Variants in ERCC2 observed in about 807,000 individuals in gnomAD.
ERCC2 encodes ERCC excision repair 2, TFIIH core complex helicase subunit.
In ERCC2, 90 loss-of-function variants were observed where a neutral mutation model predicts 99.4. That is an observed-to-expected ratio of 0.91 (90% CI 0.76 to 1.08). The LOEUF (loss-of-function observed/expected upper bound fraction) is 1.08. Ranked by LOEUF, ERCC2 falls within the 50% of genes least tolerant of loss-of-function variation. ERCC2 has a pLI of 0.00. For missense variants in ERCC2, 993 were observed against 1,038.1 expected (o/e 0.96, Z 0.60); for synonymous variants, 497 against 432.4 (o/e 1.15, Z -1.85).
rs370377312 is a variant in ERCC2 at position 45,352,613 on chromosome 19, G to A, written c.1939C>T (p.Arg647Cys). The A allele has an allele frequency of 4.0e-5, 64 of 1,613,846 alleles. No individual in the cohort carries two copies. Among genetic ancestry groups the A allele is most frequent in the South Asian group, 8.8e-5 (8 of 91,086 alleles). Residue 647 changes from arginine to cysteine, a missense_variant, in exon 21 of 23, where the codon CGT becomes TGT. Arg to Cys is a radical substitution (Grantham distance 180). Coordinates refer to ENST00000391945, the MANE Select transcript of ERCC2 (RefSeq NM_000400.4). ...TCGAAGGTAAGAAAGTCATTCTCAC[G>A]AATCTGGAACTGGTCCCGCAGGTAT... Reference protein sequence around the residue: ...LEYLRDQFQIRENDFLTFDAM... With the variant: ...LEYLRDQFQICENDFLTFDAM...
Position 45,368,534 on chromosome 19 carries a change from G to C in ERCC2, c.360+96C>G, listed in dbSNP as rs188016039. On this transcript the variant is annotated intron_variant, in intron 5 of 22. Coordinates refer to ENST00000391945, the MANE Select transcript of ERCC2 (RefSeq NM_000400.4). ...CTGTGTGTAGCCACTGCATGCCTTT[G>C]CAAGAGATATGGCCTGGGGATCCAG... 650 of 828,636 alleles carry C rather than the reference G, an allele frequency of 7.8e-4. 5 individuals are homozygous for C. The highest frequency in any genetic ancestry group is 8.6e-4 in the Non-Finnish European group (412 of 479,774). The allele number at this position is 828,636 out of a possible 1,614,324, so 51.3% of individuals were successfully genotyped here.
chr19:45,366,370 G>A (rs1265666067), intron 5 of ERCC2, among the ~76,000 whole-genome samples: 1 of 152,062 alleles, frequency 6.6e-6, no homozygotes, highest in Non-Finnish European at 1.5e-5. Flanking sequence ...TCGAACTCCT[G>A]ATCTCAGGTG....
At chr19:45,370,285 C>A (rs1972563435) in intron 1 of ERCC2, 53 bp from the exon 2 acceptor site, 20 of 1,598,172 alleles carry the variant, frequency 1.3e-5, no homozygotes, top group Middle Eastern at 3.4e-4. Flanking sequence ...CCTCTCCCGC[C>A]TCCACAGTGC....
chr19:45,368,827 A>G, intron 4 of ERCC2, 84 bp from the exon 5 acceptor site: 2 of 1,563,518 alleles, frequency 1.3e-6, no homozygotes, highest in Non-Finnish European at 1.8e-6. Context: ...TCTCTTCCCC[A>G]GCTTCCCAAA....
intron 12 of ERCC2, among the ~76,000 whole-genome samples, chr19:45,359,790 T>G (rs938366324): frequency 1.3e-5 from 2 of 152,030 alleles, no homozygotes; most frequent in East Asian, 1.9e-4. Context: ...CTTTTTTTTT[T>G]TTTGAGACAG....
At chr19:45,361,064 G>A (rs1972202656) in intron 12 of ERCC2, among the ~76,000 whole-genome samples, 2 of 151,532 alleles carry the variant, frequency 1.3e-5, no homozygotes. Flanking sequence ...CCAGGAGGCA[G>A]AGGCTGCAGT....
intron 5 of ERCC2, among the ~76,000 whole-genome samples, chr19:45,367,386 C>T (rs1972463312): frequency 6.6e-6 from 1 of 151,046 alleles, no homozygotes; most frequent in Non-Finnish European, 1.5e-5. Flanking sequence ...CACACACACA[C>T]ACACACACAC....
rs1281649633 is a variant in ERCC2, at chr19:45,364,266, T to C, written c.784A>G (p.Asn262Asp). ...TRRTLDRCQGNLETLQKTVLR... is the reference protein window; with the variant it reads ...TRRTLDRCQGDLETLQKTVLR... The stretch of plus-strand genomic sequence containing the variant: ...ACCGTCTTCTGCAGGGTCTCCAGGT[T>C]GCCCTGGCACCGGTCAAGGGTCCGG... The change falls in exon 9 of 23, where the codon AAC becomes GAC. Residue 262 changes from asparagine to aspartate, a missense_variant. Coordinates refer to ENST00000391945, the MANE Select transcript of ERCC2 (RefSeq NM_000400.4). The C allele has an allele frequency of 6.2e-7, 1 of 1,613,930 alleles. No homozygotes were observed. Among genetic ancestry groups the C allele is most frequent in the Admixed American group, 1.7e-5 (1 of 60,022 alleles).
At position 45,351,350 on chromosome 19, in the gene ERCC2, C is replaced by G; in HGVS notation, c.*279G>C. ...AGCGCCAGCACCCAGGACCTGAGCC[C>G]CCACTAACGTCCAGTGAACTGCGCT... On this transcript the variant is annotated 3_prime_UTR_variant, in exon 23 of 23. Coordinates refer to ENST00000391945, the MANE Select transcript of ERCC2 (RefSeq NM_000400.4). 1.2e-6 allele frequency: 2 copies of G among 1,611,208 alleles called. No individual in the cohort carries two copies. The highest frequency in any genetic ancestry group is 1.7e-6 in the Non-Finnish European group (2 of 1,180,008).
In ERCC2 at chr19:45,364,066, T is replaced by C. The variant is rs1294229556; in HGVS notation, c.869A>G (p.Glu290Gly). Residue 290 changes from glutamate to glycine, a missense_variant, in exon 10 of 23, where the codon GAG (glutamate) becomes GGG (glycine). Physicochemically the swap from Glu to Gly is moderately conservative, Grantham distance 98. Around this residue, in one of 3 missense-constraint regions of ERCC2, gnomAD observed 909 missense variants for 930.8 expected, o/e 0.98. Transcript: ENST00000391945. Reference protein sequence around the residue: ...RLRDEYRRLVEGLREASAARE... With the variant: ...RLRDEYRRLVGGLREASAARE... ...GGCGGCGCTGGCCTCCCGCAGCCCC[T>C]CCACCAGACGCCGGTACTCGTCCCG... 1 of 1,585,542 alleles carries C rather than the reference T, an allele frequency of 6.3e-7. No individual in the cohort carries two copies. Among genetic ancestry groups the C allele is most frequent in the Middle Eastern group, 1.7e-4 (1 of 5,946 alleles).
chr19:45,353,870 T>C (rs1971918556), intron 17 of ERCC2, among the ~76,000 whole-genome samples: 1 of 152,144 alleles, frequency 6.6e-6, no homozygotes, highest in South Asian at 2.1e-4. Context: ...CTCATAGACC[T>C]GGATGTGAAA....
At chr19:45,360,629 C>T (rs1036305836) in intron 12 of ERCC2, among the ~76,000 whole-genome samples, 4 of 152,086 alleles carry the variant, frequency 2.6e-5, no homozygotes, top group South Asian at 2.1e-4. Flanking sequence ...CTGCCCACCT[C>T]GGCCCCCCAA....
In ERCC2 at chr19:45,355,708, G is replaced by C; in HGVS notation, c.1500C>G (p.Asp500Glu). 1 of 1,614,126 alleles carries C rather than the reference G, an allele frequency of 6.2e-7. No individual in the cohort carries two copies. The highest frequency in any genetic ancestry group is 8.5e-7 in the Non-Finnish European group (1 of 1,180,008). ...LCPMIIGRGN[D>E]QVAISSKFET... The stretch of plus-strand genomic sequence containing the variant: ...CAAATTTGGAGCTGATGGCCACCTG[G>C]TCATTGCCACGGCCGATGATCTGGA... Residue 500 changes from aspartate (D) to glutamate (E), a missense_variant, in exon 16 of 23, where the codon GAC becomes GAG. By Grantham distance (45) the Asp-to-Glu change is conservative. This residue lies in a region of ERCC2 where 909 missense variants were observed against 930.8 expected (regional missense o/e 0.98). Transcript: ENST00000391945.
Position 45,357,635 on chromosome 19 carries a change from G to A in ERCC2, c.1302C>T (p.His434=), listed in dbSNP as rs756799718. The A allele has an allele frequency of 2.0e-5, 33 of 1,613,990 alleles. No individual in the cohort carries two copies. The Admixed American group carries it at 2.7e-4, about 13-fold the overall frequency. Residue 434 remains histidine, a synonymous_variant, in exon 13 of 23, where the codon CAC becomes CAT. Coordinates refer to ENST00000391945, the MANE Select transcript of ERCC2 (RefSeq NM_000400.4). ...CTCACCGGGCAGGGTCCCACCTGAA[G>A]TGCAGGATGGGGTTGGCAATGGTCG... The part of the protein sequence containing the change: ...RTPTIANPIL[H]FSCMDASLAI...
chr19:45,365,396 C>T (rs1972391659), intron 5 of ERCC2, among the ~76,000 whole-genome samples: 1 of 152,192 alleles, frequency 6.6e-6, no homozygotes, highest in Admixed American at 6.5e-5. Context: ...GTGGGCAGAT[C>T]ACGAGGTCAG....
rs770313066 is a variant in ERCC2 at position 45,361,494 on chromosome 19, C to A, written c.1237+30G>T. 3.3e-6 allele frequency: 5 copies of A among 1,503,676 alleles called. No individual in the cohort carries two copies. In the Admixed American group the frequency reaches 8.4e-5, roughly 25 times the overall value. 93.1% of individuals were successfully genotyped at this position (1,503,676 alleles called of 1,614,324 possible). A position where few individuals can be genotyped will look rare whatever the true frequency, so the allele number is the denominator to read the frequency against. On this transcript the variant is annotated intron_variant, in intron 12 of 22. Coordinates refer to ENST00000391945, the MANE Select transcript of ERCC2 (RefSeq NM_000400.4). ...GACCCTGATTCCAGCTGCTAGGAGG[C>A]CCAGCAGGGACAGAAAAAGGTGAGC...
Position 45,364,313 on chromosome 19 carries a change from G to C in ERCC2, c.737C>G (p.Ser246Cys). The C allele has an allele frequency of 6.2e-7, 1 of 1,614,044 alleles. No individual in the cohort carries two copies. The highest frequency in any genetic ancestry group is 8.5e-7 in the Non-Finnish European group (1 of 1,180,004). ...AHNIDNVCID[S>C]MSVNLTRRTL... ...CCGGCGGGTGAGGTTGACGCTCATG[G>C]AGTCGATGCAGACGTTGTCTGGAGA... The change falls in exon 9 of 23, where the codon TCC becomes TGC. Residue 246 changes from serine to cysteine, a missense_variant. Physicochemically the swap from Ser to Cys is moderately radical, Grantham distance 112 (BLOSUM62 -1). Coordinates refer to ENST00000391945, the MANE Select transcript of ERCC2 (RefSeq NM_000400.4).
At position 45,353,312 on chromosome 19, in the gene ERCC2, CTCTGGATGTTCTCAAGG is replaced by C; in HGVS notation, c.1671_1687del (p.Ile557MetfsTer8). ...GGTCTCAATAAAGAGCAGCTTGTTC[CTCTGGATGTTCTCAAGG>C]ATCCCCTGGGGAAGGACCCAGGGAG... is the stretch of plus-strand genomic sequence containing the variant. On this transcript the variant is annotated frameshift_variant, in exon 18 of 23. Transcript: ENST00000391945. LOFTEE classifies it high-confidence loss of function. The C allele has an allele frequency of 6.2e-7, 1 of 1,613,958 alleles. No homozygotes were observed. Among genetic ancestry groups the C allele is most frequent in the Non-Finnish European group, 8.5e-7 (1 of 1,179,938 alleles).
Position 45,350,206 on chromosome 19 carries a change from G to C in ERCC2, c.*1423C>G. 1.5e-6 allele frequency: 1 copy of C among 659,978 alleles called. No homozygotes were observed. Among genetic ancestry groups the C allele is most frequent in the South Asian group, 1.9e-5 (1 of 52,674 alleles). 40.9% of individuals were successfully genotyped at this position (659,978 alleles called of 1,614,324 possible). ...GGAGGCCAAGGCAGGAGGATCACTT[G>C]AGGCTAGGAGTTCAAGACCAGCCTG... On this transcript the variant is annotated 3_prime_UTR_variant, in exon 23 of 23. Transcript: ENST00000391945.
Sources: gnomAD v4.1 joint callset for allele counts (sites outside exome capture counted in the v4.1 genomes callset) on GRCh38, gnomAD v4.1.1 for gene constraint, gnomAD v4.1.1 regional missense constraint, MANE v1.5 for transcripts, NCBI Gene and HGNC (gene_info 2026-07-23, HGNC 2026-07-21) for gene names.